Variants in PTPRN2 observed in about 807,000 individuals in gnomAD.
The protein encoded by PTPRN2 is receptor-type tyrosine-protein phosphatase N2.
In PTPRN2, 74 loss-of-function variants were observed where a neutral mutation model predicts 118.8. That is an observed-to-expected ratio of 0.62 (90% CI 0.52 to 0.76). The LOEUF (loss-of-function observed/expected upper bound fraction) is 0.76. PTPRN2 is among the 30% of genes least tolerant of loss of function. The pLI, the probability that PTPRN2 is intolerant of heterozygous loss-of-function variation, is 0.00. For synonymous variants in PTPRN2, 641 were observed against 608.0 expected, an observed-to-expected ratio of 1.05 and a Z score of -0.80; for missense variants, 1,481 against 1,394.4, an observed-to-expected ratio of 1.06 and a Z score of -0.99.
chr7:157,966,813 TCATTATCACCATCAC>T (rs1462854845), intron 11 of PTPRN2, among the ~76,000 whole-genome samples: 2 of 149,732 alleles, frequency 1.3e-5, no homozygotes, highest in Non-Finnish European at 2.9e-5. Context: ...ACCATCATCT[TCATTATCACCATCAC>T]CATTATCACC....
intron 12 of PTPRN2, among the ~76,000 whole-genome samples, chr7:157,798,071 C>T (rs994731676): frequency 9.2e-5 from 14 of 152,120 alleles, no homozygotes; most frequent in African/African-American, 3.4e-4. Flanking sequence ...CCAGTCTGTC[C>T]AATATGGTGA....
chr7:158,115,725 T>C (rs117266420), intron 9 of PTPRN2, among the ~76,000 whole-genome samples: 2 of 152,202 alleles, frequency 1.3e-5, no homozygotes, highest in East Asian at 3.9e-4. Context: ...GAAATTCCTA[T>C]TGCTTCTAAG....
chr7:158,079,217 G>C (rs2128929007), intron 11 of PTPRN2, among the ~76,000 whole-genome samples: 1 of 152,272 alleles, frequency 6.6e-6, no homozygotes, highest in Admixed American at 6.5e-5. Flanking sequence ...TAAAAATCAT[G>C]CATGAATGTA....
At chr7:158,290,546 G>A (rs1800057766) in intron 3 of PTPRN2, among the ~76,000 whole-genome samples, 1 of 152,184 alleles carries the variant, frequency 6.6e-6, no homozygotes. Flanking sequence ...TACCAGCCTG[G>A]AGTAGGAAGC....
chr7:158,031,018 GAAT>G lies in PTPRN2; in HGVS notation c.1723+50277_1723+50279del, dbSNP rs567257022. 351 of 152,332 alleles carry G rather than the reference GAAT, an allele frequency of 2.3e-3. 2 individuals are homozygous for G. Among genetic ancestry groups the G allele is most frequent in the African/African-American group, 7.5e-3 (311 of 41,574 alleles). 9.4% of individuals were successfully genotyped at this position (152,332 alleles called of 1,614,324 possible). ...GAAAGAGAAGAGAAGGCATCACGTT[GAAT>G]AATATCCTCGAGTGATAAATCTGCA... is the stretch of plus-strand genomic sequence containing the variant. On this transcript the variant is annotated intron_variant, in intron 11 of 22. Coordinates refer to ENST00000389418, the MANE Select transcript of PTPRN2 (RefSeq NM_002847.5).
At chr7:158,426,003 A>G (rs375895727) in intron 2 of PTPRN2, among the ~76,000 whole-genome samples, 2,941 of 10,064 alleles carry the variant, frequency 0.29, 425 homozygotes, top group East Asian at 0.44. Context: ...CACCGCCGGG[A>G]AAGACGCAGA....
At chr7:157,926,140 T>A (rs377492269) in intron 11 of PTPRN2, among the ~76,000 whole-genome samples, 65 of 27,308 alleles carry the variant, frequency 2.4e-3, no homozygotes, top group East Asian at 8.7e-3. Context: ...AAGCTGAGGG[T>A]CCACGCGTTA....
chr7:158,141,979 T>A (rs1335912708), intron 6 of PTPRN2, among the ~76,000 whole-genome samples: 1 of 152,164 alleles, frequency 6.6e-6, no homozygotes, highest in African/African-American at 2.4e-5. Context: ...GGTGGCCGAG[T>A]GCCCCGCTCT....
At chr7:157,846,548 G>T (rs963969844) in intron 12 of PTPRN2, among the ~76,000 whole-genome samples, 1 of 152,100 alleles carries the variant, frequency 6.6e-6, no homozygotes, top group Non-Finnish European at 1.5e-5. Context: ...GTTTGTCACT[G>T]CCCTGAGTGC....
intron 2 of PTPRN2, among the ~76,000 whole-genome samples, chr7:158,458,507 TAGTC>T (rs942681827): frequency 1.3e-5 from 2 of 152,098 alleles, no homozygotes; most frequent in African/African-American, 2.4e-5. Flanking sequence ...AAAGCTCTAA[TAGTC>T]AGCAAAATGC....
chr7:158,581,248 C>T (rs1828610159), intron 1 of PTPRN2, among the ~76,000 whole-genome samples: 1 of 152,200 alleles, frequency 6.6e-6, no homozygotes, highest in Non-Finnish European at 1.5e-5. Context: ...GTGGTACATT[C>T]CTTAACCACT....
At chr7:158,367,553 C>T (rs1461438710) in intron 2 of PTPRN2, among the ~76,000 whole-genome samples, 1 of 152,206 alleles carries the variant, frequency 6.6e-6, no homozygotes, top group Non-Finnish European at 1.5e-5. Flanking sequence ...GGGAGCACGT[C>T]AGTCACCTGC....
chr7:157,782,897 C>G (rs937564629), intron 12 of PTPRN2, among the ~76,000 whole-genome samples: 2 of 152,214 alleles, frequency 1.3e-5, no homozygotes, highest in African/African-American at 4.8e-5. Flanking sequence ...TCGGTGCTGG[C>G]TGGCTAACAT....
rs144237368 is a variant in PTPRN2, at chr7:157,569,008, C to T, written c.2838-42G>A. The T allele has an allele frequency of 1.8e-3, 2,677 of 1,511,300 alleles. 37 individuals are homozygous for T. The African/African-American group carries it at 0.032, about 18-fold the overall frequency. 93.6% of individuals were successfully genotyped at this position (1,511,300 alleles called of 1,614,324 possible). ...AGAAATGAAAGTGCTGCCGTCCACA[C>T]GGAAGCCCGACCCACAACAAAGCTA... On this transcript the variant is annotated intron_variant, in intron 20 of 22. Transcript: ENST00000389418.
chr7:158,352,527 G>C (rs950987358), intron 2 of PTPRN2, among the ~76,000 whole-genome samples: 1 of 152,232 alleles, frequency 6.6e-6, no homozygotes, highest in Non-Finnish European at 1.5e-5. Flanking sequence ...CCCCTCCCGT[G>C]CTGCAGCCGA....
At chr7:157,555,014 C>G (rs2150477359) in intron 21 of PTPRN2, among the ~76,000 whole-genome samples, 1 of 148,598 alleles carries the variant, frequency 6.7e-6, no homozygotes, top group South Asian at 2.1e-4. Flanking sequence ...GAGCACCGGC[C>G]AAGTCAGTTT....
chr7:158,139,705 C>G (rs929830857), intron 6 of PTPRN2, among the ~76,000 whole-genome samples: 46 of 152,066 alleles, frequency 3.0e-4, no homozygotes, highest in African/African-American at 1.0e-3. Flanking sequence ...GGGGAAGACA[C>G]GCTCCACACA....
intron 3 of PTPRN2, among the ~76,000 whole-genome samples, chr7:158,315,495 C>T (rs1181289963): frequency 2.7e-5 from 4 of 149,700 alleles, no homozygotes; most frequent in East Asian, 4.0e-4. Context: ...GAACCCGGGA[C>T]GCCCTCAAGG....
intron 2 of PTPRN2, among the ~76,000 whole-genome samples, chr7:158,360,124 C>G: frequency 1.1e-5 from 1 of 91,972 alleles, no homozygotes; most frequent in African/African-American, 4.8e-5. Flanking sequence ...CACCCTCACC[C>G]AGGACGACGC....
Sources: gnomAD v4.1 joint callset for allele counts (sites outside exome capture counted in the v4.1 genomes callset) on GRCh38, gnomAD v4.1.1 for gene constraint, MANE v1.5 for transcripts, NCBI Gene and HGNC (gene_info 2026-07-23, HGNC 2026-07-21) for gene names.